PFKFB3: variants seen among roughly 807,000 people sequenced by gnomAD.
The protein encoded by PFKFB3 is 6-phosphofructo-2-kinase/fructose-2,6-biphosphatase 3, also known as 6-phosphofructo-2-kinase/fructose-2,6-bisphosphatase 3.
A neutral mutation model predicts 68.0 loss-of-function variants in PFKFB3; 33 were observed. The observed-to-expected ratio is 0.49, with a 90% CI of 0.37 to 0.65. The LOEUF (loss-of-function observed/expected upper bound fraction) is 0.65. Among genes scored for constraint, PFKFB3 ranks in the 30% least tolerant of loss-of-function variants. The pLI is 0.00. For synonymous variants in PFKFB3, 315 were observed against 288.2 expected, an observed-to-expected ratio of 1.09 and a Z score of -0.94; for missense variants, 586 against 712.2, an observed-to-expected ratio of 0.82 and a Z score of 2.02.
chr10:6,221,860 C>T, intron 10 of PFKFB3, 115 bp downstream of exon 10: 2 of 676,328 alleles, frequency 3.0e-6, no homozygotes, highest in Non-Finnish European at 5.1e-6. Context: ...GGCTCCTACA[C>T]CCTCCACCTT....
At chr10:6,302,079 G>C in the PFKFB3 span, among the ~76,000 whole-genome samples, 2 of 146,618 alleles carry the variant, frequency 1.4e-5, no homozygotes, top group South Asian at 4.3e-4. Context: ...TTTTGAAACA[G>C]AGTCTTGCTC....
the PFKFB3 span, among the ~76,000 whole-genome samples, chr10:6,284,359 C>A: frequency 1.3e-5 from 2 of 152,104 alleles, no homozygotes; most frequent in African/African-American, 4.8e-5. Context: ...TTTTGATGCT[C>A]TGTTATTAGG....
the PFKFB3 span, among the ~76,000 whole-genome samples, chr10:6,303,440 TTAAG>T: frequency 6.6e-6 from 1 of 152,182 alleles, no homozygotes; most frequent in Admixed American, 6.5e-5. Context: ...TTTTATTAGT[TTAAG>T]TATTACATAA....
chr10:6,183,543 C>G (rs1004729931), intron 1 of PFKFB3, among the ~76,000 whole-genome samples: 1 of 148,678 alleles, frequency 6.7e-6, no homozygotes, highest in Non-Finnish European at 1.5e-5. Flanking sequence ...AATCCCAGCA[C>G]TTTGGGAGGC....
intron 1 of PFKFB3, among the ~76,000 whole-genome samples, chr10:6,151,119 G>A (rs1265106221): frequency 6.6e-6 from 1 of 152,176 alleles, no homozygotes; most frequent in Non-Finnish European, 1.5e-5. Context: ...ACGGACACAG[G>A]GAGGGAGCCC....
Position 6,242,610 on chromosome 10 carries a change from C to T in PFKFB3, c.1516-11568C>T, listed in dbSNP as rs191214423. ...TGTAAACATTTTTTTTTTTTTGAGACGGAGTCTCGCTCTGTTGCCCAGGCT... is the reference window on the plus strand; with the variant it reads ...TGTAAACATTTTTTTTTTTTTGAGATGGAGTCTCGCTCTGTTGCCCAGGCT... On this transcript the variant is annotated intron_variant, in intron 14 of 14. Coordinates refer to the PFKFB3 transcript ENST00000640683. Among the ~76,000 whole-genome samples the T allele has an allele frequency of 3.9e-3, 574 of 148,344 alleles. 8 individuals carry two copies. Among genetic ancestry groups the T allele is most frequent in the South Asian group, 0.028 (117 of 4,186 alleles).
upstream of PFKFB3, among the ~76,000 whole-genome samples, chr10:6,201,389 G>A (rs984152732): frequency 1.4e-5 from 2 of 148,048 alleles, no homozygotes; most frequent in African/African-American, 4.9e-5. This position sits in a 1 kb window ranked among gnomAD's most constrained non-coding sequence, Gnocchi z 4.1. Flanking sequence ...AAGCTGTCGC[G>A]GGAACAGGGG....
chr10:6,316,866 T>G, the PFKFB3 span, among the ~76,000 whole-genome samples: 3 of 152,188 alleles, frequency 2.0e-5, no homozygotes, highest in East Asian at 5.8e-4. Context: ...GCTGGAAGAC[T>G]CTTGGCCAGG....
At chr10:6,194,623 T>A (rs1843124105) in intron 1 of PFKFB3, among the ~76,000 whole-genome samples, 2 of 152,176 alleles carry the variant, frequency 1.3e-5, no homozygotes, top group Non-Finnish European at 2.9e-5. Context: ...CGCCATCTGA[T>A]AATGGAGCAA....
the PFKFB3 span, among the ~76,000 whole-genome samples, chr10:6,263,140 C>T: frequency 2.0e-5 from 3 of 152,190 alleles, no homozygotes; most frequent in Non-Finnish European, 4.4e-5. Flanking sequence ...AACAGCAAGC[C>T]AGTCCTTAGC....
rs1359625872 is a variant in PFKFB3 at position 6,234,221 on chromosome 10, T to G, written c.*1279T>G. On this transcript the variant is annotated 3_prime_UTR_variant, in exon 15 of 15. Coordinates refer to ENST00000379775, the MANE Select transcript of PFKFB3 (RefSeq NM_004566.4). ...AACTCGGCAGCAGAGTTTGTCCAAA[T>G]GACCCTTTTCAGGATGTCTCAAAGC... The G allele has an allele frequency of 2.0e-5, 3 of 152,320 alleles. No homozygotes were observed. Among genetic ancestry groups the G allele is most frequent in the Non-Finnish European group, 4.4e-5 (3 of 68,038 alleles). The allele number at this position is 152,320 out of a possible 1,614,324, so 9.4% of individuals were successfully genotyped here.
chr10:6,286,268 C>T, the PFKFB3 span, among the ~76,000 whole-genome samples: 8 of 150,818 alleles, frequency 5.3e-5, no homozygotes, highest in South Asian at 2.1e-4. Flanking sequence ...TGAGCCACCA[C>T]GCCAGGCCCT....
chr10:6,149,745 CA>C, intron 1 of PFKFB3: 2 of 158,618 alleles, frequency 1.3e-5, no homozygotes. Context: ...GCGTCCCTCC[CA>C]AAGCTGTGTG....
At chr10:6,302,749 T>TACACACAC in the PFKFB3 span, among the ~76,000 whole-genome samples, 35 of 145,836 alleles carry the variant, frequency 2.4e-4, no homozygotes, top group East Asian at 8.1e-4. Context: ...TGTGTGTGTA[T>TACACACAC]ACACACACAC....
chr10:6,160,718 CAAAA>C (rs538580465), intron 1 of PFKFB3, among the ~76,000 whole-genome samples: 1,195 of 78,650 alleles, frequency 0.015, 43 homozygotes, highest in East Asian at 0.15. Flanking sequence ...GACTCTGTCT[CAAAA>C]AAAAAAAAAA....
At chr10:6,271,415 G>A in the PFKFB3 span, among the ~76,000 whole-genome samples, 1 of 152,244 alleles carries the variant, frequency 6.6e-6, no homozygotes, top group Non-Finnish European at 1.5e-5. Flanking sequence ...GAGGCGGGAA[G>A]TCAAACTTCA....
chr10:6,296,268 C>T, the PFKFB3 span, among the ~76,000 whole-genome samples: 1 of 150,312 alleles, frequency 6.7e-6, no homozygotes, highest in African/African-American at 2.5e-5. Context: ...AGATGTGTAC[C>T]CACTATAGAC....
At chr10:6,277,885 C>A in the PFKFB3 span, 1 of 193,244 alleles carries the variant, frequency 5.2e-6, no homozygotes. Context: ...CAGAAGGATT[C>A]CTTTGAGATC....
chr10:6,229,344 C>T lies in PFKFB3; in HGVS notation c.1515+2979C>T, dbSNP rs1264667004. ...CTGAGTGACCGGCCCGTGCTTCCAGCAGGTGAGCCGCAGAGCCGGGGCCTG... is the reference window on the plus strand; with the variant it reads ...CTGAGTGACCGGCCCGTGCTTCCAGTAGGTGAGCCGCAGAGCCGGGGCCTG... On this transcript the variant is annotated intron_variant, in intron 14 of 14. Coordinates refer to ENST00000379775, the MANE Select transcript of PFKFB3 (RefSeq NM_004566.4). The surrounding 1 kb of genome is among the most constrained non-coding windows in gnomAD (Gnocchi z 4.3). Among the ~76,000 whole-genome samples the T allele has an allele frequency of 6.6e-6, 1 of 152,218 alleles. No homozygotes were observed. Among genetic ancestry groups the T allele is most frequent in the East Asian group, 1.9e-4 (1 of 5,186 alleles).
Sources: allele counts gnomAD v4.1 joint callset (sites outside exome capture counted in the v4.1 genomes callset), GRCh38; gene constraint gnomAD v4.1.1; non-coding constraint Gnocchi (gnomAD v3.1); transcripts MANE v1.5; gene names NCBI Gene and HGNC (gene_info 2026-07-23, HGNC 2026-07-21).